Variants in LYST observed in about 807,000 individuals in gnomAD.
LYST encodes the protein lysosomal trafficking regulator.
A neutral mutation model predicts 413.6 loss-of-function variants in LYST; 192 were observed. The ratio of observed to expected loss-of-function variants is 0.46; its 90% CI spans 0.41 to 0.52. The LOEUF (loss-of-function observed/expected upper bound fraction) is 0.52. Among genes scored for constraint, LYST ranks in the 20% least tolerant of loss-of-function variants. LYST has a pLI of 0.00. For synonymous variants in LYST, 1,525 were observed against 1,567.3 expected, an observed-to-expected ratio of 0.97 and a Z score of 0.64; for missense variants, 3,815 against 4,499.9, an observed-to-expected ratio of 0.85 and a Z score of 4.35.
In LYST at chr1:235,697,004, T is replaced by G; in HGVS notation, c.10564+79A>C. On this transcript the variant is annotated intron_variant, in intron 46 of 52. Coordinates refer to ENST00000389793, the MANE Select transcript of LYST (RefSeq NM_000081.4). The stretch of plus-strand genomic sequence containing the variant: ...GAGTTTTTCCACCAAGGACTCAAAG[T>G]AGCAGCACAGATGAGCTAGAAATAC... 5.8e-6 allele frequency: 8 copies of G among 1,377,694 alleles called. No homozygotes were observed. The South Asian group carries it at 9.6e-5, about 17-fold the overall frequency. The allele number at this position is 1,377,694 out of a possible 1,614,324, so 85.3% of individuals were successfully genotyped here. A position where few individuals can be genotyped will look rare whatever the true frequency, so the allele number is the denominator to read the frequency against.
In LYST at chr1:235,792,132, A is replaced by T; in HGVS notation, c.4117-7T>A. 6.4e-7 allele frequency: 1 copy of T among 1,565,192 alleles called. No homozygotes were observed. On this transcript the variant is annotated splice_region_variant and splice_polypyrimidine_tract_variant and intron_variant, in intron 11 of 52. Transcript: ENST00000389793. ...TACCCAGAAGAAGAATTTTCTAGAGAAAAAGAAAAACAAATGAAACTTTCT... is the reference window on the plus strand; with the variant it reads ...TACCCAGAAGAAGAATTTTCTAGAGTAAAAGAAAAACAAATGAAACTTTCT...
chr1:235,724,007 A>C (rs1558153678), intron 39 of LYST, 21 bp downstream of exon 39: 8 of 1,603,588 alleles, frequency 5.0e-6, no homozygotes, highest in Non-Finnish European at 6.8e-6. Context: ...AATATATATC[A>C]ATTAATAAGG....
chr1:235,794,158 T>C (rs1043416523), intron 10 of LYST, among the ~76,000 whole-genome samples: 6 of 152,198 alleles, frequency 3.9e-5, no homozygotes, highest in Admixed American at 6.5e-5. Context: ...TTCTTGAAGA[T>C]TAATTAGCTA....
chr1:235,835,107 G>GC (rs1558318547), intron 1 of LYST, among the ~76,000 whole-genome samples: 12 of 151,326 alleles, frequency 7.9e-5, no homozygotes, highest in African/African-American at 2.9e-4. Context: ...TAATGGGGGG[G>GC]GGTTTCGCCA....
intron 10 of LYST, among the ~76,000 whole-genome samples, chr1:235,793,820 CTTT>C: frequency 6.6e-6 from 1 of 151,974 alleles, no homozygotes; most frequent in African/African-American, 2.4e-5. Context: ...AACCACTTTT[CTTT>C]TTATTATTTT....
intron 46 of LYST, among the ~76,000 whole-genome samples, chr1:235,695,030 T>G (rs879396766): frequency 3.3e-5 from 5 of 152,224 alleles, no homozygotes; most frequent in Non-Finnish European, 7.3e-5. Context: ...GCTACAACAT[T>G]GTTCAGTCAA....
intron 50 of LYST, among the ~76,000 whole-genome samples, chr1:235,667,741 A>G (rs927238177): frequency 6.6e-6 from 1 of 151,144 alleles, no homozygotes; most frequent in Non-Finnish European, 1.5e-5. Context: ...ATCTCAGCTC[A>G]CTGCAACCTC....
At chr1:235,788,885 C>G (rs760116262) in intron 12 of LYST, 40 bp from the exon 13 acceptor site, 2 of 1,588,994 alleles carry the variant, frequency 1.3e-6, no homozygotes, top group Non-Finnish European at 1.7e-6. Flanking sequence ...TAAAATGGTT[C>G]GTAACAACTG....
chr1:235,821,044 A>G (rs1396876000), intron 3 of LYST, among the ~76,000 whole-genome samples: 1 of 152,234 alleles, frequency 6.6e-6, no homozygotes, highest in East Asian at 1.9e-4. Flanking sequence ...TAGCTTTCAT[A>G]TTCCACTTTA....
intron 44 of LYST, among the ~76,000 whole-genome samples, chr1:235,705,129 G>C (rs1430160567): frequency 6.6e-6 from 1 of 152,086 alleles, no homozygotes; most frequent in African/African-American, 2.4e-5. Context: ...TTTTGGTACA[G>C]AGAGGTCAAG....
rs767079188 is a variant in LYST at position 235,702,872 on chromosome 1, T to C, written c.10249A>G (p.Met3417Val). The C allele has an allele frequency of 6.2e-7, 1 of 1,614,206 alleles. No individual in the cohort carries two copies. Among genetic ancestry groups the C allele is most frequent in the South Asian group, 1.1e-5 (1 of 91,084 alleles). ...YGQTPRQLFH[M>V]AHVSRPGAKL... ...GCTCCAGGTCTGCTCACATGGGCCA[T>C]GTGGAACAGCTGACGGGGAGTCTGC... is the stretch of plus-strand genomic sequence containing the variant. Residue 3417 changes from methionine to valine, a missense_variant, in exon 45 of 53, where the codon ATG becomes GTG. This residue lies in a region of LYST where 866 missense variants were observed against 1,156.0 expected (regional missense o/e 0.75). Coordinates refer to ENST00000389793, the MANE Select transcript of LYST (RefSeq NM_000081.4).
At chr1:235,781,461 C>T (rs1235731770) in intron 15 of LYST, among the ~76,000 whole-genome samples, 3 of 151,822 alleles carry the variant, frequency 2.0e-5, no homozygotes, top group Non-Finnish European at 4.4e-5. Context: ...TGTCTGAATG[C>T]TATTATGTGT....
In LYST at chr1:235,804,487, T is replaced by C. The variant is rs1572319692; in HGVS notation, c.3555+17A>G. On this transcript the variant is annotated intron_variant, in intron 7 of 52. Coordinates refer to ENST00000389793, the MANE Select transcript of LYST (RefSeq NM_000081.4). ...TGGTCATACCCAAAGAACACAACTATATGTTGTTATTCATACCTTCTCAGT... is the reference window on the plus strand; with the variant it reads ...TGGTCATACCCAAAGAACACAACTACATGTTGTTATTCATACCTTCTCAGT... 6.2e-7 allele frequency: 1 copy of C among 1,601,458 alleles called. No individual in the cohort carries two copies. Among genetic ancestry groups the C allele is most frequent in the Non-Finnish European group, 8.6e-7 (1 of 1,168,502 alleles).
At position 235,774,014 on chromosome 1, in the gene LYST, T is replaced by C. The variant is rs746675344; in HGVS notation, c.5635-23A>G. The C allele has an allele frequency of 3.9e-6, 6 of 1,521,712 alleles. No individual in the cohort carries two copies. The East Asian group carries it at 1.1e-4, about 29-fold the overall frequency. 94.3% of individuals were successfully genotyped at this position (1,521,712 alleles called of 1,614,324 possible). On this transcript the variant is annotated intron_variant, in intron 18 of 52. Transcript: ENST00000389793. ...GGTCTATAGAAAATTAGCATTAATA[T>C]AAGATGCATTAGTAATTGGTTAATC...
chr1:235,686,863 T>TA lies in LYST; in HGVS notation c.10800+85dup. The TA allele has an allele frequency of 1.0e-6, 1 of 984,854 alleles. No individual in the cohort carries two copies. The highest frequency in any genetic ancestry group is 1.7e-5 in the Admixed American group (1 of 59,184). The allele number at this position is 984,854 out of a possible 1,614,324, so 61.0% of individuals were successfully genotyped here. ...AGGTATAAACATTTTAAGTTAATCT[T>TA]ATGCAAAGTGAATTATACTTCATAA... is the stretch of plus-strand genomic sequence containing the variant. On this transcript the variant is annotated intron_variant, in intron 48 of 52. Transcript: ENST00000389793. The surrounding 1 kb of genome is among the most constrained non-coding windows in gnomAD (Gnocchi z 4.0).
At position 235,818,020 on chromosome 1, in the gene LYST, CAT is replaced by C. The variant is rs200950899; in HGVS notation, c.193-4961_193-4960del. On this transcript the variant is annotated intron_variant, in intron 3 of 52. Coordinates refer to ENST00000389793, the MANE Select transcript of LYST (RefSeq NM_000081.4). ...GATGATTTTTTGAGATTTATACACA[CAT>C]GTCAATTTTGCAATGTACATCTTTC... Among the ~76,000 whole-genome samples the C allele has an allele frequency of 6.4e-3, 971 of 152,230 alleles. 3 individuals are homozygous for C. The highest frequency in any genetic ancestry group is 0.014 in the African/African-American group (586 of 41,528).
At chr1:235,844,853 C>A (rs942583086) in intron 1 of LYST, among the ~76,000 whole-genome samples, 12 of 152,168 alleles carry the variant, frequency 7.9e-5, no homozygotes, top group African/African-American at 2.9e-4. Context: ...TTGAACTGTA[C>A]AATATTTAAG....
intron 6 of LYST, 51 bp downstream of exon 6, chr1:235,805,691 TA>T: frequency 1.0e-6 from 1 of 1,003,006 alleles, no homozygotes; most frequent in Non-Finnish European, 1.6e-6. Flanking sequence ...TGTGTGTGTG[TA>T]TATATATGTA....
intron 1 of LYST, among the ~76,000 whole-genome samples, chr1:235,844,936 C>T (rs1425776981): frequency 1.3e-5 from 2 of 152,026 alleles, no homozygotes; most frequent in African/African-American, 2.4e-5. Flanking sequence ...AAGCAATAAC[C>T]ATCAGAATGA....
Sources: allele counts gnomAD v4.1 joint callset (sites outside exome capture counted in the v4.1 genomes callset), GRCh38; gene constraint gnomAD v4.1.1; regional missense constraint gnomAD v4.1.1; non-coding constraint Gnocchi (gnomAD v3.1); transcripts MANE v1.5; gene names NCBI Gene and HGNC (gene_info 2026-07-23, HGNC 2026-07-21).